Variants in EPAS1 observed in about 807,000 individuals in gnomAD.
The protein encoded by EPAS1 is endothelial PAS domain-containing protein 1.
A neutral mutation model predicts 87.9 loss-of-function variants in EPAS1; 23 were observed. The ratio of observed to expected loss-of-function variants is 0.26; its 90% CI spans 0.19 to 0.37. EPAS1 has a LOEUF of 0.37. Ranked by LOEUF, EPAS1 falls within the 10% of genes least tolerant of loss-of-function variation. EPAS1 has a pLI of 1.00. For synonymous variants in EPAS1, 508 were observed against 444.3 expected (o/e 1.14, Z -1.80); for missense variants, 1,138 against 1,120.7 (o/e 1.02, Z -0.22).
chr2:46,337,194 TGAA>T (rs982188778), intron 1 of EPAS1, among the ~76,000 whole-genome samples: 4 of 152,184 alleles, frequency 2.6e-5, no homozygotes, highest in African/African-American at 9.7e-5. Flanking sequence ...GTTCTTTCCC[TGAA>T]GAGTATGTGG....
rs57351888 is a variant in EPAS1 at position 46,359,257 on chromosome 2, C to CAAAAAAAAAAA, written c.455-1367_455-1357dup. ...CTGGCGACAGAGCAAGATTCTGTCT[C>CAAAAAAAAAAA]AAAAAAAAAAAAAAAAAAAAAAAAG... On this transcript the variant is annotated intron_variant, in intron 4 of 15. Coordinates refer to ENST00000263734, the MANE Select transcript of EPAS1 (RefSeq NM_001430.5). 6.4e-4 allele frequency among the ~76,000 whole-genome samples: 16 copies of CAAAAAAAAAAA among 25,096 alleles called. 1 individual carries two copies. Among genetic ancestry groups the CAAAAAAAAAAA allele is most frequent in the Admixed American group, 6.3e-3 (11 of 1,736 alleles). 16.5% of individuals were successfully genotyped at this position (25,096 alleles called of 152,430 possible).
chr2:46,326,250 G>C (rs887115402), intron 1 of EPAS1, among the ~76,000 whole-genome samples: 1 of 152,160 alleles, frequency 6.6e-6, no homozygotes, highest in African/African-American at 2.4e-5. Context: ...TGGGGAATCT[G>C]CTTTTCTCTT....
At chr2:46,334,354 C>T (rs944961939) in intron 1 of EPAS1, among the ~76,000 whole-genome samples, 3 of 152,190 alleles carry the variant, frequency 2.0e-5, no homozygotes, top group Non-Finnish European at 2.9e-5. Context: ...TTAATGAATG[C>T]GTTCTCCCCA....
At chr2:46,379,286 G>A (rs1372167617) in intron 11 of EPAS1, among the ~76,000 whole-genome samples, 1 of 152,118 alleles carries the variant, frequency 6.6e-6, no homozygotes, top group East Asian at 1.9e-4. Flanking sequence ...TGTAAACAAG[G>A]ATAAGGTAGA....
intron 7 of EPAS1, among the ~76,000 whole-genome samples, chr2:46,373,474 C>T (rs1684669520): frequency 6.6e-6 from 1 of 152,192 alleles, no homozygotes. Flanking sequence ...CAAATGCCTG[C>T]AACGCCATGA....
chr2:46,340,030 G>A (rs1683879839), intron 1 of EPAS1, among the ~76,000 whole-genome samples: 1 of 152,178 alleles, frequency 6.6e-6, no homozygotes, highest in African/African-American at 2.4e-5. Flanking sequence ...CACCCACTAA[G>A]GCTTGGGCTT....
intron 1 of EPAS1, among the ~76,000 whole-genome samples, chr2:46,313,888 G>C (rs1299734445): frequency 2.0e-5 from 3 of 152,196 alleles, no homozygotes; most frequent in African/African-American, 7.2e-5. Flanking sequence ...ACACACAGGA[G>C]GTGCTCCTTA....
At chr2:46,340,703 A>G (rs1321767621) in intron 1 of EPAS1, among the ~76,000 whole-genome samples, 1 of 152,108 alleles carries the variant, frequency 6.6e-6, no homozygotes, top group Non-Finnish European at 1.5e-5. Context: ...TGCTAATTTA[A>G]TATTTTCCAT....
chr2:46,353,808 C>G (rs1449489732), intron 2 of EPAS1, among the ~76,000 whole-genome samples: 1 of 152,204 alleles, frequency 6.6e-6, no homozygotes, highest in Non-Finnish European at 1.5e-5. Flanking sequence ...TGGTTCTCCC[C>G]TCTCCAGGCT....
chr2:46,303,405 C>G lies in EPAS1; in HGVS notation c.26+5468C>G, dbSNP rs559359238. 6.6e-5 allele frequency among the ~76,000 whole-genome samples: 10 copies of G among 152,232 alleles called. No individual in the cohort carries two copies. In the East Asian group the frequency reaches 1.9e-3, roughly 29 times the overall value. ...ACACACAAGGCTCCCTATGGTGTAT[C>G]CCTTATCATGTACTTCGACACCATA... On this transcript the variant is annotated intron_variant, in intron 1 of 15. Coordinates refer to ENST00000263734, the MANE Select transcript of EPAS1 (RefSeq NM_001430.5).
At chr2:46,382,123 G>A in intron 14 of EPAS1, 34 bp downstream of exon 14, 5 of 1,597,932 alleles carry the variant, frequency 3.1e-6, no homozygotes, top group Admixed American at 3.4e-5. Context: ...GCCTCCTGGG[G>A]GTTCTGGTGG....
chr2:46,377,815 T>C (rs1046202131), intron 9 of EPAS1, 79 bp from the exon 10 acceptor site: 14 of 1,550,912 alleles, frequency 9.0e-6, no homozygotes, highest in Non-Finnish European at 1.1e-5. Context: ...GGGCCTTCTC[T>C]GCGGTTTTTG....
intron 1 of EPAS1, among the ~76,000 whole-genome samples, chr2:46,306,621 G>T (rs958741064): frequency 1.1e-4 from 16 of 152,118 alleles, no homozygotes; most frequent in Admixed American, 1.0e-3. Context: ...GATTGTCCTG[G>T]AAAAATACGT....
Position 46,375,987 on chromosome 2 carries a change from C to A in EPAS1, c.1034+150C>A. 9.6e-7 allele frequency: 1 copy of A among 1,038,472 alleles called. No individual in the cohort carries two copies. Among genetic ancestry groups the A allele is most frequent in the South Asian group, 1.3e-5 (1 of 76,054 alleles). The allele number at this position is 1,038,472 out of a possible 1,614,324, so 64.3% of individuals were successfully genotyped here. On this transcript the variant is annotated intron_variant, in intron 8 of 15. Coordinates refer to ENST00000263734, the MANE Select transcript of EPAS1 (RefSeq NM_001430.5). The surrounding 1 kb of genome is among the most constrained non-coding windows in gnomAD (Gnocchi z 4.1). ...GGTCTTGCAGGGCTAACCCTAGTGA[C>A]TGAGAGGACTTCCTGTGGATGTCTT... is the stretch of plus-strand genomic sequence containing the variant.
chr2:46,338,553 G>C (rs1683845405), intron 1 of EPAS1, among the ~76,000 whole-genome samples: 1 of 152,224 alleles, frequency 6.6e-6, no homozygotes, highest in South Asian at 2.1e-4. Context: ...CAGTGGATAA[G>C]ATGAGGGGTG....
chr2:46,345,411 C>T (rs1684004554), intron 1 of EPAS1, among the ~76,000 whole-genome samples: 1 of 152,122 alleles, frequency 6.6e-6, no homozygotes, highest in Non-Finnish European at 1.5e-5. Flanking sequence ...CACTACCATG[C>T]AACTGCTAAC....
chr2:46,383,027 G>C (rs1490303035), intron 15 of EPAS1, among the ~76,000 whole-genome samples: 3 of 152,224 alleles, frequency 2.0e-5, no homozygotes, highest in Admixed American at 6.5e-5. Flanking sequence ...GAGAGAGAGA[G>C]TTGGGAAGCG....
intron 9 of EPAS1, among the ~76,000 whole-genome samples, chr2:46,377,175 G>A (rs1196600147): frequency 1.3e-5 from 2 of 152,234 alleles, no homozygotes; most frequent in Non-Finnish European, 2.9e-5. Context: ...CCAAGTTGGA[G>A]TAATGTTGGG....
intron 1 of EPAS1, among the ~76,000 whole-genome samples, chr2:46,308,827 T>C (rs1683160108): frequency 6.6e-6 from 1 of 152,208 alleles, no homozygotes; most frequent in Admixed American, 6.5e-5. Context: ...GGGCACTAGC[T>C]CTCAGTTCAG....
Sources: gnomAD v4.1 joint callset for allele counts (sites outside exome capture counted in the v4.1 genomes callset) on GRCh38, gnomAD v4.1.1 for gene constraint, Gnocchi (gnomAD v3.1) non-coding constraint, MANE v1.5 for transcripts, NCBI Gene and HGNC (gene_info 2026-07-23, HGNC 2026-07-21) for gene names.